RNF213: variants seen among roughly 807,000 people sequenced by gnomAD.
RNF213 encodes E3 ubiquitin-protein ligase RNF213.
A neutral mutation model predicts 514.4 loss-of-function variants in RNF213; 341 were observed. That is an observed-to-expected ratio of 0.66 (90% CI 0.61 to 0.73). The LOEUF (loss-of-function observed/expected upper bound fraction) is 0.73, where lower values mean the gene tolerates loss of function less well. RNF213 is among the 30% of genes least tolerant of loss of function. The pLI, the probability that RNF213 is intolerant of heterozygous loss-of-function variation, is 0.00. For synonymous variants in RNF213, 2,655 were observed against 2,658.2 expected (o/e 1.00, Z 0.04); for missense variants, 5,767 against 6,615.6 (o/e 0.87, Z 4.45).
chr17:80,271,465 CAG>C (rs756494048), intron 2 of RNF213, among the ~76,000 whole-genome samples: 33 of 152,232 alleles, frequency 2.2e-4, no homozygotes, highest in Admixed American at 1.0e-3. Flanking sequence ...AGTGTCCAGA[CAG>C]GGGCGCAGCT....
chr17:80,391,248 A>ATT (rs1193900328), intron 67 of RNF213, among the ~76,000 whole-genome samples: 1 of 151,890 alleles, frequency 6.6e-6, no homozygotes, highest in Non-Finnish European at 1.5e-5. Context: ...TTTATCACCC[A>ATT]TTTGTATATC....
At chr17:80,359,933 G>A (rs780982813) in intron 37 of RNF213, 128 bp from the exon 38 acceptor site, 34 of 875,892 alleles carry the variant, frequency 3.9e-5, no homozygotes, top group East Asian at 7.6e-5. Context: ...GATCAGCGCC[G>A]TCTGCCTGGC....
At chr17:80,289,526 G>C (rs2044605260) in intron 5 of RNF213, 133 bp from the exon 6 acceptor site, 1 of 929,990 alleles carries the variant, frequency 1.1e-6, no homozygotes, top group Non-Finnish European at 1.7e-6. Context: ...GGAGGCGGAG[G>C]TTGCAGTGAG....
chr17:80,371,790 C>T (rs74789968), intron 46 of RNF213, 84 bp from the exon 47 acceptor site: 38,873 of 746,006 alleles, frequency 0.052, 1,149 homozygotes, highest in Middle Eastern at 0.089. Flanking sequence ...ACAGGACAGA[C>T]GACCGATAGA....
intron 2 of RNF213, among the ~76,000 whole-genome samples, chr17:80,270,976 G>GT (rs2043801029): frequency 6.6e-6 from 1 of 152,188 alleles, no homozygotes; most frequent in Admixed American, 6.5e-5. Context: ...AGAAACCCCA[G>GT]TAAGGGTCCA....
intron 14 of RNF213, among the ~76,000 whole-genome samples, chr17:80,309,804 G>A (rs1390777294): frequency 6.6e-6 from 1 of 151,878 alleles, no homozygotes; most frequent in African/African-American, 2.4e-5. Context: ...CACCCAGGCT[G>A]GAGTGCAGTG....
chr17:80,343,275 G>A lies in RNF213; in HGVS notation c.6133G>A (p.Ala2045Thr), dbSNP rs2078213465. ...VLGALLPFLD[A>T]QYQKVPVLFH... ...GGGCGCCCTGCTGCCCTTCCTGGAT[G>A]CGCAGTATCAGAAGGTCCCCGTGCT... Residue 2045 changes from alanine (A) to threonine (T), a missense_variant, in exon 27 of 68, where the codon GCG becomes ACG. Transcript: ENST00000582970. This position sits in a 1 kb window ranked among gnomAD's most constrained non-coding sequence, Gnocchi z 4.3. The A allele has an allele frequency of 6.2e-7, 1 of 1,613,622 alleles. No homozygotes were observed. Among genetic ancestry groups the A allele is most frequent in the Admixed American group, 1.7e-5 (1 of 59,986 alleles).
rs144162402 is a variant in RNF213 at position 80,283,764 on chromosome 17, C to T, written c.262-4051C>T. 2.4e-4 allele frequency among the ~76,000 whole-genome samples: 36 copies of T among 152,282 alleles called. 2 individuals carry two copies. The East Asian group carries it at 6.5e-3, about 28-fold the overall frequency. ...CTGCCTCAGTGGGCTCCTCCTGTTC[C>T]GGGCTGTGACTCGGCGGTCCAGAGC... On this transcript the variant is annotated intron_variant, in intron 3 of 67. Coordinates refer to ENST00000582970, the MANE Select transcript of RNF213 (RefSeq NM_001256071.3).
chr17:80,333,340 G>A (rs1170415185), intron 21 of RNF213, among the ~76,000 whole-genome samples: 3 of 150,860 alleles, frequency 2.0e-5, no homozygotes, highest in Admixed American at 1.3e-4. Context: ...GATTACAGGC[G>A]TGAGCCACCG....
At chr17:80,354,628 G>T in intron 36 of RNF213, 52 bp downstream of exon 36, 1 of 1,606,556 alleles carries the variant, frequency 6.2e-7, no homozygotes, top group South Asian at 1.1e-5. Flanking sequence ...GGCAGCATGG[G>T]GACCTGCCTG....
Position 80,369,521 on chromosome 17 carries a change from G to A in RNF213, c.12175G>A (p.Ala4059Thr). 6.2e-7 allele frequency: 1 copy of A among 1,613,728 alleles called. No homozygotes were observed. Among genetic ancestry groups the A allele is most frequent in the Non-Finnish European group, 8.5e-7 (1 of 1,180,028 alleles). The change falls in exon 45 of 68, where the codon GCC becomes ACC. Residue 4059 changes from alanine to threonine, a missense_variant. Transcript: ENST00000582970. Reference sequence around the variant, plus strand: ...TCTAAGGGAAGCCATTGAAAAGCATGCCCGCTTCCGGCAGATGTGCAACAG... The same window carrying A: ...TCTAAGGGAAGCCATTGAAAAGCATACCCGCTTCCGGCAGATGTGCAACAG... ...QAHREAIEKH[A>T]RFRQMCNSFF...
At chr17:80,285,338 T>C (rs2044432437) in intron 3 of RNF213, among the ~76,000 whole-genome samples, 1 of 152,154 alleles carries the variant, frequency 6.6e-6, no homozygotes, top group Non-Finnish European at 1.5e-5. Context: ...AGGCAGGCCC[T>C]CTAAACCCAG....
intron 3 of RNF213, among the ~76,000 whole-genome samples, chr17:80,282,912 G>T (rs1056833946): frequency 4.7e-5 from 7 of 149,958 alleles, no homozygotes; most frequent in African/African-American, 1.7e-4. Flanking sequence ...TGGCCAGGCT[G>T]GTCTCGAACT....
intron 26 of RNF213, among the ~76,000 whole-genome samples, chr17:80,342,577 C>T (rs1205584289): frequency 6.7e-6 from 1 of 149,162 alleles, no homozygotes; most frequent in African/African-American, 2.5e-5. Flanking sequence ...TATACACACA[C>T]ATGCTGTATA....
At chr17:80,299,535 TTTA>T (rs1364994448) in intron 11 of RNF213, among the ~76,000 whole-genome samples, 1 of 56,616 alleles carries the variant, frequency 1.8e-5, no homozygotes, top group Non-Finnish European at 3.7e-5. Flanking sequence ...CCAGAGAAAG[TTTA>T]TTTATTTATT....
At chr17:80,269,351 A>G (rs1191073151) in intron 2 of RNF213, among the ~76,000 whole-genome samples, 1 of 151,504 alleles carries the variant, frequency 6.6e-6, no homozygotes, top group Admixed American at 6.6e-5. Context: ...CCATCCCTCT[A>G]CCCTATCTGT....
intron 67 of RNF213, among the ~76,000 whole-genome samples, chr17:80,391,427 C>T (rs901959068): frequency 9.9e-5 from 15 of 152,120 alleles, no homozygotes; most frequent in Non-Finnish European, 1.8e-4. Flanking sequence ...CCAACCATCA[C>T]GCCCAGCTAA....
At chr17:80,262,736 A>G (rs2043468026) in intron 1 of RNF213, among the ~76,000 whole-genome samples, 1 of 152,206 alleles carries the variant, frequency 6.6e-6, no homozygotes, top group Admixed American at 6.5e-5. Context: ...TCTCCCACAC[A>G]GGTCAAGCCA....
rs750036027 is a variant in RNF213 at position 80,307,246 on chromosome 17, CG to C, written c.2501+50del. 1.5e-5 allele frequency: 24 copies of C among 1,577,746 alleles called. 1 individual carries two copies. The East Asian group carries it at 2.5e-4, about 16-fold the overall frequency. ...CAGTCTCTCCCTCACATGCGGCCCC[CG>C]GGGGCTTCCTCTGACCCCTATAATT... On this transcript the variant is annotated intron_variant, in intron 13 of 67. Coordinates refer to ENST00000582970, the MANE Select transcript of RNF213 (RefSeq NM_001256071.3).
Sources: allele counts gnomAD v4.1 joint callset (sites outside exome capture counted in the v4.1 genomes callset), GRCh38; gene constraint gnomAD v4.1.1; non-coding constraint Gnocchi (gnomAD v3.1); transcripts MANE v1.5; gene names NCBI Gene and HGNC (gene_info 2026-07-23, HGNC 2026-07-21).